ZNF560: variants seen among roughly 807,000 people sequenced by gnomAD.
ZNF560 encodes zinc finger protein 560.
Under a neutral mutation model 81.8 loss-of-function variants are expected in ZNF560, and 54 were observed. That is an observed-to-expected ratio of 0.66 (90% CI 0.53 to 0.83). The LOEUF is 0.83. Among genes scored for constraint, ZNF560 ranks in the 40% least tolerant of loss-of-function variants. The pLI is 0.00. For synonymous variants in ZNF560, 321 were observed against 317.9 expected, an observed-to-expected ratio of 1.01 and a Z score of -0.10; for missense variants, 940 against 932.4, an observed-to-expected ratio of 1.01 and a Z score of -0.11.
At chr19:9,464,093 T>C (rs896087512), downstream of ZNF560, among the ~76,000 whole-genome samples, 13 of 152,298 alleles carry the variant, frequency 8.5e-5, no homozygotes, top group African/African-American at 3.1e-4. Context: ...CTGTACATGA[T>C]ATAACAGAAA....
At chr19:9,461,510 T>A (rs768315977), downstream of ZNF560, among the ~76,000 whole-genome samples, 1 of 152,214 alleles carries the variant, frequency 6.6e-6, no homozygotes, top group Non-Finnish European at 1.5e-5. Flanking sequence ...CTGTCACAGC[T>A]ACTGCTGCAG....
At position 9,489,270 on chromosome 19, in the gene ZNF560, G is replaced by A. The variant is rs574495173; in HGVS notation, c.-57+8858C>T. Among the ~76,000 whole-genome samples the A allele has an allele frequency of 2.9e-3, 388 of 136,062 alleles. 1 individual carries two copies. Among genetic ancestry groups the A allele is most frequent in the African/African-American group, 5.8e-3 (206 of 35,374 alleles). The allele number at this position is 136,062 out of a possible 152,430, so 89.3% of individuals were successfully genotyped here. On this transcript the variant is annotated intron_variant, in intron 2 of 9. Transcript: ENST00000301480. ...GGGCGGCCAGGCAGAGGCGCTCCTC[G>A]CTTCCCAGACAGTGCGGCGGCCGGT...
chr19:9,490,580 C>CT (rs2073456210), intron 2 of ZNF560, among the ~76,000 whole-genome samples: 1 of 152,190 alleles, frequency 6.6e-6, no homozygotes, highest in Non-Finnish European at 1.5e-5. Context: ...CACACAGTCT[C>CT]TGTTACAAAT....
chr19:9,497,458 C>A (rs189141112), intron 2 of ZNF560, among the ~76,000 whole-genome samples: 14 of 149,424 alleles, frequency 9.4e-5, no homozygotes, highest in African/African-American at 3.2e-4. Flanking sequence ...TCGCTTGAAC[C>A]CGGGAGGCAG....
At chr19:9,490,160 A>C (rs1222955724) in intron 2 of ZNF560, among the ~76,000 whole-genome samples, 1 of 152,204 alleles carries the variant, frequency 6.6e-6, no homozygotes, top group Non-Finnish European at 1.5e-5. Context: ...TTCAACCTAC[A>C]TTAAGGGCCC....
chr19:9,471,889 T>A (rs1310009275), intron 5 of ZNF560, among the ~76,000 whole-genome samples: 2 of 152,170 alleles, frequency 1.3e-5, no homozygotes, highest in Non-Finnish European at 2.9e-5. Flanking sequence ...GGTGGGCGGA[T>A]CACAAGGTTA....
chr19:9,495,514 T>C (rs2073543699), intron 2 of ZNF560, among the ~76,000 whole-genome samples: 1 of 152,144 alleles, frequency 6.6e-6, no homozygotes, highest in South Asian at 2.1e-4. Flanking sequence ...AAGACCAGCC[T>C]GGCCAACATG....
chr19:9,459,482 A>G, the ZNF560 span, among the ~76,000 whole-genome samples: 2 of 152,144 alleles, frequency 1.3e-5, no homozygotes, highest in Non-Finnish European at 2.9e-5. Context: ...CTAAAGCCCT[A>G]CTATGTTGGG....
Position 9,468,311 on chromosome 19 carries a change from T to A in ZNF560, c.636A>T (p.Glu212Asp), listed in dbSNP as rs2073066518. The change falls in exon 10 of 10, where the codon GAA (glutamate) becomes GAT (aspartate). Residue 212 changes from glutamate to aspartate, a missense_variant. Physicochemically the swap from Glu to Asp is conservative, Grantham distance 45. Transcript: ENST00000301480. ...CTTCACATTGCTTACAGTCATAGAG[T>A]TCCTCTCCATTTTGGTTTCTTGCCT... ...IQLARNQNGE[E>D]LYDCKQCEDV... 6.3e-7 allele frequency: 1 copy of A among 1,594,616 alleles called. No homozygotes were observed. Among genetic ancestry groups the A allele is most frequent in the South Asian group, 1.1e-5 (1 of 87,138 alleles).
intron 6 of ZNF560, among the ~76,000 whole-genome samples, chr19:9,471,065 C>G (rs1329394802): frequency 3.3e-5 from 5 of 152,138 alleles, no homozygotes; most frequent in African/African-American, 1.2e-4. Context: ...GGAGTACCTA[C>G]AAGAAAATGA....
At chr19:9,498,293 G>A (rs73002109) in intron 1 of ZNF560, 78 bp from the exon 2 acceptor site, 15,428 of 152,150 alleles carry the variant, frequency 0.1, 920 homozygotes, top group South Asian at 0.2. Flanking sequence ...TTTGAAGACG[G>A]GAACACACGG....
At chr19:9,483,154 T>C (rs1180303791) in intron 2 of ZNF560, among the ~76,000 whole-genome samples, 1 of 149,124 alleles carries the variant, frequency 6.7e-6, no homozygotes, top group African/African-American at 2.5e-5. Context: ...CCCCTCTGCC[T>C]GGCTGCCCAG....
intron 2 of ZNF560, among the ~76,000 whole-genome samples, chr19:9,496,837 G>A (rs1486038028): frequency 6.6e-6 from 1 of 151,864 alleles, no homozygotes; most frequent in Non-Finnish European, 1.5e-5. Context: ...TCAAAAGGCT[G>A]AGGCAGGAGA....
intron 2 of ZNF560, among the ~76,000 whole-genome samples, chr19:9,497,232 CATT>C (rs112120752): frequency 0.048 from 7,351 of 151,898 alleles, 604 homozygotes; most frequent in African/African-American, 0.17. Flanking sequence ...TATTAGATAA[CATT>C]ATTATTTTTA....
At chr19:9,497,496 C>G (rs891820137) in intron 2 of ZNF560, among the ~76,000 whole-genome samples, 2 of 145,248 alleles carry the variant, frequency 1.4e-5, no homozygotes, top group Non-Finnish European at 3.0e-5. Flanking sequence ...GATCGCGCCA[C>G]TGCACTCCAG....
At chr19:9,483,600 C>G (rs1396324413) in intron 2 of ZNF560, among the ~76,000 whole-genome samples, 5 of 113,868 alleles carry the variant, frequency 4.4e-5, no homozygotes, top group Non-Finnish European at 2.2e-5. Context: ...AGCCCCCGCC[C>G]GGCCAGCCGC....
In ZNF560 at chr19:9,467,631, T is replaced by C; in HGVS notation, c.1316A>G (p.Lys439Arg). ...EKTFKCDHCG[K>R]AFISYPSLFG... is the part of the protein sequence containing the mutation. ...AAGAGATGGGTAAGAAATAAAGGCTTTCCCACAGTGGTCACATTTAAAGGT... is the reference window on the plus strand; with the variant it reads ...AAGAGATGGGTAAGAAATAAAGGCTCTCCCACAGTGGTCACATTTAAAGGT... Residue 439 changes from lysine (K) to arginine (R), a missense_variant, in exon 10 of 10, where the codon AAA becomes AGA. Transcript: ENST00000301480. 6.2e-7 allele frequency: 1 copy of C among 1,614,156 alleles called. No homozygotes were observed. Among genetic ancestry groups the C allele is most frequent in the Non-Finnish European group, 8.5e-7 (1 of 1,180,012 alleles).
intron 2 of ZNF560, among the ~76,000 whole-genome samples, chr19:9,497,429 G>C (rs2073577811): frequency 1.3e-5 from 2 of 149,788 alleles, no homozygotes; most frequent in Admixed American, 6.7e-5. Flanking sequence ...CAGCCACTTG[G>C]GAAGCTGAGG....
chr19:9,451,319 C>T, the ZNF560 span, among the ~76,000 whole-genome samples: 2 of 152,122 alleles, frequency 1.3e-5, no homozygotes, highest in Non-Finnish European at 2.9e-5. Context: ...AAAGAAGCCA[C>T]ATACCTACAA....
Sources: gnomAD v4.1 joint callset for allele counts (sites outside exome capture counted in the v4.1 genomes callset) on GRCh38, gnomAD v4.1.1 for gene constraint, MANE v1.5 for transcripts, NCBI Gene and HGNC (gene_info 2026-07-23, HGNC 2026-07-21) for gene names.